Variants in CDH6 observed in about 807,000 individuals in gnomAD.
CDH6 encodes the protein cadherin 6.
A neutral mutation model predicts 78.0 loss-of-function variants in CDH6; 31 were observed. The ratio of observed to expected loss-of-function variants is 0.40; its 90% CI spans 0.30 to 0.54. CDH6 has a LOEUF of 0.54. Ranked by LOEUF, CDH6 falls within the 20% of genes least tolerant of loss-of-function variation. The pLI is 0.56. For missense variants in CDH6, 724 were observed against 975.9 expected (o/e 0.74, Z 3.44); for synonymous variants, 376 against 368.8 (o/e 1.02, Z -0.23).
chr5:31,266,069 G>A (rs1231205971), intron 1 of CDH6, among the ~76,000 whole-genome samples: 1 of 152,046 alleles, frequency 6.6e-6, no homozygotes, highest in Non-Finnish European at 1.5e-5. Context: ...GAGCCACTGT[G>A]CCTGGCAAGA....
At chr5:31,195,558 G>A (rs1033424525) in intron 1 of CDH6, among the ~76,000 whole-genome samples, 1 of 152,098 alleles carries the variant, frequency 6.6e-6, no homozygotes, top group Non-Finnish European at 1.5e-5. Flanking sequence ...GTACTTGCAC[G>A]GCTCTATGCT....
At chr5:31,299,788 C>T (rs1229210794) in intron 5 of CDH6, among the ~76,000 whole-genome samples, 157 bp downstream of exon 5, 1 of 152,184 alleles carries the variant, frequency 6.6e-6, no homozygotes, top group Non-Finnish European at 1.5e-5. Context: ...ATGGCATACA[C>T]TCAGGAAATG....
At chr5:31,241,898 G>GTTCCACTCTTCCATTACCTTT (rs1741613285) in intron 1 of CDH6, among the ~76,000 whole-genome samples, 2 of 152,312 alleles carry the variant, frequency 1.3e-5, no homozygotes, top group Non-Finnish European at 2.9e-5. Context: ...CCATAGAGTT[G>GTTCCACTCTTCCATTACCTTT]TTCCACTCTT....
chr5:31,198,004 AC>A (rs1415080119), intron 1 of CDH6, among the ~76,000 whole-genome samples: 1 of 152,150 alleles, frequency 6.6e-6, no homozygotes, highest in Admixed American at 6.5e-5. Context: ...TGATGCTATC[AC>A]CCACAAAGTA....
At chr5:31,272,633 CAGA>C (rs1295865487) in intron 2 of CDH6, among the ~76,000 whole-genome samples, 3 of 152,188 alleles carry the variant, frequency 2.0e-5, no homozygotes, top group African/African-American at 7.2e-5. Context: ...TAACTTTAGG[CAGA>C]AGATTTGCAC....
chr5:31,248,702 C>T (rs77866231), intron 1 of CDH6, among the ~76,000 whole-genome samples: 2,722 of 152,104 alleles, frequency 0.018, 84 homozygotes, highest in African/African-American at 0.062. Context: ...ATCCACATTC[C>T]TGAATCCTCT....
At chr5:31,271,173 G>A (rs1289736183) in intron 2 of CDH6, among the ~76,000 whole-genome samples, 2 of 152,114 alleles carry the variant, frequency 1.3e-5, no homozygotes, top group African/African-American at 4.8e-5. Context: ...ATAAACATCT[G>A]TTTGTGTTGA....
At chr5:31,302,486 G>A (rs775451684) in intron 6 of CDH6, 188 bp downstream of exon 6, 3 of 467,106 alleles carry the variant, frequency 6.4e-6, no homozygotes, top group Non-Finnish European at 1.2e-5. Context: ...ACTTTTGGGG[G>A]CCAAGGCAGG....
chr5:31,226,100 T>C (rs914596858), intron 1 of CDH6, among the ~76,000 whole-genome samples: 1 of 152,156 alleles, frequency 6.6e-6, no homozygotes, highest in Non-Finnish European at 1.5e-5. Context: ...AAGTAGCCCA[T>C]TGGGTAGGAG....
rs189537197 is a variant in CDH6, at chr5:31,325,923, G to A, written c.*2615G>A. 3.9e-5 allele frequency: 9 copies of A among 232,098 alleles called. No individual in the cohort carries two copies. The highest frequency in any genetic ancestry group is 6.8e-5 in the Non-Finnish European group (8 of 117,478). The allele number at this position is 232,098 out of a possible 1,614,324, so 14.4% of individuals were successfully genotyped here. A position where few individuals can be genotyped will look rare whatever the true frequency, so the allele number is the denominator to read the frequency against. On this transcript the variant is annotated 3_prime_UTR_variant, in exon 12 of 12. Coordinates refer to ENST00000265071, the MANE Select transcript of CDH6 (RefSeq NM_004932.4). ...TATAATTCAGACTCTTTGACATCGT[G>A]GAACCAATAAGAGTCATAGTTCCAT... is the stretch of plus-strand genomic sequence containing the variant.
chr5:31,229,650 A>G (rs1741260590), intron 1 of CDH6, among the ~76,000 whole-genome samples: 1 of 152,224 alleles, frequency 6.6e-6, no homozygotes, highest in African/African-American at 2.4e-5. Context: ...GAAACTCCGG[A>G]GTCCCACCTA....
chr5:31,254,973 A>G (rs938812958), intron 1 of CDH6, among the ~76,000 whole-genome samples: 1 of 152,252 alleles, frequency 6.6e-6, no homozygotes, highest in Non-Finnish European at 1.5e-5. Flanking sequence ...AAAACTCAAT[A>G]TCATCAAAAT....
chr5:31,241,176 C>A (rs1253984013), intron 1 of CDH6, among the ~76,000 whole-genome samples: 1 of 152,184 alleles, frequency 6.6e-6, no homozygotes, highest in Non-Finnish European at 1.5e-5. Context: ...CGTCTCTCAG[C>A]CCATCTTTGC....
intron 8 of CDH6, among the ~76,000 whole-genome samples, chr5:31,313,938 A>C (rs1738228956): frequency 6.6e-6 from 1 of 152,210 alleles, no homozygotes; most frequent in Non-Finnish European, 1.5e-5. Flanking sequence ...ATAAATTATC[A>C]CTTTTCTATG....
chr5:31,276,981 G>T (rs1290568370), intron 2 of CDH6, among the ~76,000 whole-genome samples: 2 of 152,150 alleles, frequency 1.3e-5, no homozygotes, highest in African/African-American at 4.8e-5. Context: ...AGGTGAAATG[G>T]AGAGAAAGAA....
chr5:31,242,701 T>TTGG (rs1554005338), intron 1 of CDH6, among the ~76,000 whole-genome samples: 1 of 139,438 alleles, frequency 7.2e-6, no homozygotes, highest in Admixed American at 7.1e-5. Context: ...AGAATAAGAA[T>TTGG]GGGGGGGGGC....
intron 4 of CDH6, among the ~76,000 whole-genome samples, chr5:31,298,813 G>A (rs10064564): frequency 0.014 from 2,161 of 152,072 alleles, 61 homozygotes; most frequent in African/African-American, 0.049. Context: ...TAAAGTTCAC[G>A]GTCAGCTTTA....
intron 1 of CDH6, among the ~76,000 whole-genome samples, chr5:31,258,386 A>G (rs1056808523): frequency 2.0e-5 from 3 of 152,118 alleles, no homozygotes; most frequent in African/African-American, 7.2e-5. Context: ...CTAACACAAG[A>G]ACAGAAAACC....
Position 31,323,398 on chromosome 5 carries a change from C to T in CDH6, c.*90C>T. ...TATCCACTACTCCGTGAAGGCTTCT[C>T]TGTTCTACCCGTTCCAAAAGCCAAT... is the stretch of plus-strand genomic sequence containing the variant. On this transcript the variant is annotated 3_prime_UTR_variant, in exon 12 of 12. Coordinates refer to ENST00000265071, the MANE Select transcript of CDH6 (RefSeq NM_004932.4). 2 of 1,417,102 alleles carry T rather than the reference C, an allele frequency of 1.4e-6. No individual in the cohort carries two copies. The highest frequency in any genetic ancestry group is 2.8e-5 in the South Asian group (2 of 72,178). 87.8% of individuals were successfully genotyped at this position (1,417,102 alleles called of 1,614,324 possible).
Sources: allele counts gnomAD v4.1 joint callset (sites outside exome capture counted in the v4.1 genomes callset), GRCh38; gene constraint gnomAD v4.1.1; transcripts MANE v1.5; gene names NCBI Gene and HGNC (gene_info 2026-07-23, HGNC 2026-07-21).